ADAMTSL1: variants seen among roughly 807,000 people sequenced by gnomAD.
ADAMTSL1 encodes the protein ADAMTS like 1, also known as ADAMTS-like protein 1.
ADAMTSL1 carries 126 observed loss-of-function variants against 201.8 expected under a neutral mutation model. That is an observed-to-expected ratio of 0.62 (90% CI 0.54 to 0.72). The LOEUF (loss-of-function observed/expected upper bound fraction) is 0.72. ADAMTSL1 is among the 30% of genes least tolerant of loss of function. The probability of loss-of-function intolerance (pLI) is 0.00; values close to 1 mark genes in which losing one functional copy is unlikely to be tolerated. For synonymous variants in ADAMTSL1, 1,121 were observed against 903.4 expected (o/e 1.24, Z -4.32); for missense variants, 2,679 against 2,277.8 (o/e 1.18, Z -3.59).
intron 23 of ADAMTSL1, among the ~76,000 whole-genome samples, chr9:18,874,810 CT>C (rs368882624): frequency 6.0e-5 from 9 of 150,944 alleles, no homozygotes; most frequent in South Asian, 4.2e-4. Flanking sequence ...TCCCTCTTCT[CT>C]TTTTTTTTGG....
chr9:18,837,253 T>C (rs1449958804), intron 23 of ADAMTSL1, among the ~76,000 whole-genome samples: 1 of 152,242 alleles, frequency 6.6e-6, no homozygotes, highest in African/African-American at 2.4e-5. Context: ...TTTAAGTTAA[T>C]TTATCTTTAG....
chr9:18,072,589 T>G (rs1054401714), intron 1 of ADAMTSL1, among the ~76,000 whole-genome samples: 4 of 152,238 alleles, frequency 2.6e-5, no homozygotes, highest in African/African-American at 9.6e-5. Context: ...ATTTTCTATC[T>G]CACAAATAAT....
intron 2 of ADAMTSL1, among the ~76,000 whole-genome samples, chr9:18,348,169 G>C (rs1334058217): frequency 6.6e-6 from 1 of 152,142 alleles, no homozygotes; most frequent in Admixed American, 6.5e-5. Flanking sequence ...GTTGCTAATA[G>C]GAAATTGATT....
chr9:18,416,002 G>C (rs1402704589), intron 2 of ADAMTSL1, among the ~76,000 whole-genome samples: 1 of 151,928 alleles, frequency 6.6e-6, no homozygotes, highest in Non-Finnish European at 1.5e-5. Context: ...GACATGAAAA[G>C]CTAAAAGAAT....
At chr9:18,547,201 A>G (rs1488900871) in intron 3 of ADAMTSL1, among the ~76,000 whole-genome samples, 1 of 152,180 alleles carries the variant, frequency 6.6e-6, no homozygotes, top group Non-Finnish European at 1.5e-5. Flanking sequence ...GGAGGGAGGA[A>G]GAGAATAAAG....
intron 1 of ADAMTSL1, among the ~76,000 whole-genome samples, chr9:17,934,639 G>A (rs1229249946): frequency 1.3e-5 from 2 of 151,950 alleles, no homozygotes; most frequent in African/African-American, 4.8e-5. Context: ...TCTTTCATCA[G>A]ACCTGCCGCA....
intron 23 of ADAMTSL1, among the ~76,000 whole-genome samples, chr9:18,839,809 GT>G (rs1291692558): frequency 6.6e-6 from 1 of 151,646 alleles, no homozygotes; most frequent in African/African-American, 2.4e-5. Context: ...TTTTTCATGT[GT>G]TTTTTGGCTG....
At chr9:18,371,674 TTTTTTATGATGAA>T (rs1586996651) in intron 2 of ADAMTSL1, among the ~76,000 whole-genome samples, 1 of 152,190 alleles carries the variant, frequency 6.6e-6, no homozygotes, top group African/African-American at 2.4e-5. Flanking sequence ...TTTATCAACT[TTTTTTATGATGAA>T]TTTTTATGAT....
Position 18,905,769 on chromosome 9 carries a change from T to C in ADAMTSL1, c.4852-13T>C. On this transcript the variant is annotated splice_polypyrimidine_tract_variant and intron_variant, in intron 26 of 28. Coordinates refer to ENST00000380548, the MANE Select transcript of ADAMTSL1 (RefSeq NM_001040272.6). The stretch of plus-strand genomic sequence containing the variant: ...GGCTAATGTGCGGTATGTTACCTTT[T>C]TCTGCTTTCCAGTGCAATGGGCCTT... 3 of 1,607,554 alleles carry C rather than the reference T, an allele frequency of 1.9e-6. No individual in the cohort carries two copies. In the East Asian group the frequency reaches 6.7e-5, roughly 36 times the overall value.
rs144115760 is a variant in ADAMTSL1 at position 18,447,202 on chromosome 9, T to C, written c.208-57627T>C. Among the ~76,000 whole-genome samples the C allele has an allele frequency of 4.5e-4, 69 of 152,242 alleles. 1 individual carries two copies. In the East Asian group the frequency reaches 0.012, roughly 27 times the overall value. ...TTTCTGTATTATATAGTAATGAAAGTCAGTGTGCATGGTAAATAAAGGTTG... is the reference window on the plus strand; with the variant it reads ...TTTCTGTATTATATAGTAATGAAAGCCAGTGTGCATGGTAAATAAAGGTTG... On this transcript the variant is annotated intron_variant, in intron 2 of 29. Coordinates refer to the ADAMTSL1 transcript ENST00000680146.
chr9:18,823,948 C>T (rs1278548084), intron 21 of ADAMTSL1, among the ~76,000 whole-genome samples: 1 of 151,774 alleles, frequency 6.6e-6, no homozygotes, highest in Non-Finnish European at 1.5e-5. Flanking sequence ...CGAGATCATG[C>T]CACTGCACTC....
At chr9:18,291,300 T>C (rs1833251506) in intron 2 of ADAMTSL1, among the ~76,000 whole-genome samples, 3 of 152,206 alleles carry the variant, frequency 2.0e-5, no homozygotes, top group Non-Finnish European at 4.4e-5. Context: ...TCATATTTAT[T>C]CATGAATAAG....
At chr9:18,463,872 C>T (rs900687135) in intron 2 of ADAMTSL1, among the ~76,000 whole-genome samples, 1 of 152,096 alleles carries the variant, frequency 6.6e-6, no homozygotes, top group Admixed American at 6.6e-5. Flanking sequence ...TGTGTATATA[C>T]CCAGCAGTGG....
intron 2 of ADAMTSL1, among the ~76,000 whole-genome samples, chr9:18,435,713 G>A (rs1819700909): frequency 6.6e-6 from 1 of 152,198 alleles, no homozygotes; most frequent in African/African-American, 2.4e-5. Context: ...AGATTGAGCA[G>A]GCCTCACAAT....
chr9:18,866,130 AT>A (rs1827528626), intron 23 of ADAMTSL1, among the ~76,000 whole-genome samples: 1 of 151,066 alleles, frequency 6.6e-6, no homozygotes, highest in Non-Finnish European at 1.5e-5. Flanking sequence ...AAAAAAAAAA[AT>A]GACGGATACT....
At chr9:18,409,770 T>C (rs1299535547) in intron 2 of ADAMTSL1, among the ~76,000 whole-genome samples, 1 of 150,372 alleles carries the variant, frequency 6.7e-6, no homozygotes, top group Non-Finnish European at 1.5e-5. Context: ...TATGTATACA[T>C]ACATACATGT....
intron 2 of ADAMTSL1, among the ~76,000 whole-genome samples, chr9:18,247,639 C>G (rs1319872003): frequency 6.6e-6 from 1 of 151,966 alleles, no homozygotes; most frequent in Non-Finnish European, 1.5e-5. Flanking sequence ...ATCTGGTGGT[C>G]CGAGAAGGTC....
chr9:18,801,896 C>T (rs1000313638), intron 20 of ADAMTSL1, among the ~76,000 whole-genome samples: 1 of 152,022 alleles, frequency 6.6e-6, no homozygotes. Context: ...ATAATGGGTT[C>T]TTTACTTTTA....
intron 16 of ADAMTSL1, among the ~76,000 whole-genome samples, chr9:18,755,204 T>C (rs1018209133): frequency 3.3e-5 from 5 of 152,216 alleles, no homozygotes; most frequent in Non-Finnish European, 7.3e-5. Flanking sequence ...GGTCACCTGA[T>C]TGCTAGTGCA....
Sources: gnomAD v4.1 joint callset for allele counts (sites outside exome capture counted in the v4.1 genomes callset) on GRCh38, gnomAD v4.1.1 for gene constraint, MANE v1.5 for transcripts, NCBI Gene and HGNC (gene_info 2026-07-23, HGNC 2026-07-21) for gene names.